ADAM12: variants seen among roughly 807,000 people sequenced by gnomAD.
ADAM12 encodes the protein ADAM metallopeptidase domain 12, also known as disintegrin and metalloproteinase domain-containing protein 12.
In ADAM12, 70 loss-of-function variants were observed where a neutral mutation model predicts 106.4. The ratio of observed to expected loss-of-function variants is 0.66; its 90% CI spans 0.54 to 0.80. ADAM12 has a LOEUF of 0.80. Among genes scored for constraint, ADAM12 ranks in the 30% least tolerant of loss-of-function variants. The probability of loss-of-function intolerance (pLI) is 0.00; values close to 1 mark genes in which losing one functional copy is unlikely to be tolerated. For synonymous variants in ADAM12, 420 were observed against 433.5 expected (o/e 0.97, Z 0.39); for missense variants, 1,010 against 1,171.9 (o/e 0.86, Z 2.02).
intron 3 of ADAM12, among the ~76,000 whole-genome samples, chr10:126,234,942 T>C: frequency 6.6e-6 from 1 of 152,222 alleles, no homozygotes; most frequent in African/African-American, 2.4e-5. Flanking sequence ...GGCATCACAC[T>C]GCAGGCAGAA....
chr10:126,095,396 T>A (rs1294706434), intron 10 of ADAM12, among the ~76,000 whole-genome samples: 9 of 151,470 alleles, frequency 5.9e-5, no homozygotes, highest in Admixed American at 5.9e-4. Flanking sequence ...TAGCCGGGCG[T>A]GGTGGCGGGC....
chr10:126,120,432 G>A (rs1056903654), intron 5 of ADAM12, among the ~76,000 whole-genome samples: 3 of 152,154 alleles, frequency 2.0e-5, no homozygotes, highest in South Asian at 2.1e-4. Flanking sequence ...TCATTGGGCT[G>A]GAAGAACATA....
chr10:126,323,313 T>C (rs184556972), intron 2 of ADAM12, among the ~76,000 whole-genome samples: 93 of 152,346 alleles, frequency 6.1e-4, no homozygotes, highest in African/African-American at 2.1e-3. Context: ...AATATAGGTC[T>C]GGCTATGTCA....
chr10:126,104,357 G>A (rs1955723864), intron 8 of ADAM12, among the ~76,000 whole-genome samples: 1 of 151,518 alleles, frequency 6.6e-6, no homozygotes, highest in African/African-American at 2.4e-5. Flanking sequence ...AGCTGAGGCA[G>A]GAGAATCGCT....
intron 12 of ADAM12, among the ~76,000 whole-genome samples, chr10:126,070,958 A>G (rs1476106191): frequency 1.3e-5 from 2 of 152,156 alleles, no homozygotes; most frequent in Non-Finnish European, 2.9e-5. Flanking sequence ...CCCTGCCTTC[A>G]CTTATTGCTT....
At chr10:126,093,705 A>G (rs766566038) in intron 11 of ADAM12, among the ~76,000 whole-genome samples, 1 of 152,268 alleles carries the variant, frequency 6.6e-6, no homozygotes, top group Non-Finnish European at 1.5e-5. Context: ...GGACAGGAAG[A>G]TAATTAGCGA....
At chr10:126,267,830 G>C (rs969285199) in intron 3 of ADAM12, among the ~76,000 whole-genome samples, 18 of 151,846 alleles carry the variant, frequency 1.2e-4, no homozygotes, top group African/African-American at 4.4e-4. Context: ...GGGGCGGTGG[G>C]GGTGGATTTA....
intron 8 of ADAM12, among the ~76,000 whole-genome samples, chr10:126,105,816 C>T (rs958488797): frequency 3.9e-5 from 6 of 152,214 alleles, no homozygotes; most frequent in Non-Finnish European, 7.3e-5. Flanking sequence ...TTCTCCTGCA[C>T]CTGGACTATG....
intron 1 of ADAM12, among the ~76,000 whole-genome samples, chr10:126,346,638 T>C (rs1855151880): frequency 1.3e-5 from 2 of 152,306 alleles, no homozygotes; most frequent in South Asian, 4.2e-4. Flanking sequence ...AGTCTCCCAT[T>C]ATTATTGTGT....
chr10:126,304,666 A>G (rs1960767108), intron 2 of ADAM12, among the ~76,000 whole-genome samples: 1 of 152,132 alleles, frequency 6.6e-6, no homozygotes, highest in African/African-American at 2.4e-5. Flanking sequence ...CCATTAAGAA[A>G]ATATAAAGTT....
intron 18 of ADAM12, among the ~76,000 whole-genome samples, chr10:126,040,555 C>G (rs1471948036): frequency 6.6e-6 from 1 of 152,198 alleles, no homozygotes; most frequent in Non-Finnish European, 1.5e-5. Context: ...CTAAGCAAGA[C>G]AGCCAACAGA....
chr10:126,207,076 T>C (rs1184142164), intron 3 of ADAM12, among the ~76,000 whole-genome samples: 1 of 152,214 alleles, frequency 6.6e-6, no homozygotes, highest in Non-Finnish European at 1.5e-5. Context: ...CTGAGTCTAT[T>C]AAACCTCTTT....
chr10:126,159,116 T>C (rs926250810), intron 3 of ADAM12, among the ~76,000 whole-genome samples: 3 of 152,076 alleles, frequency 2.0e-5, no homozygotes, highest in African/African-American at 4.8e-5. Flanking sequence ...GAGACCATTC[T>C]GGCTAATACG....
rs530859939 is a variant in ADAM12 at position 126,344,579 on chromosome 10, T to TG, written c.89-14071dup. The stretch of plus-strand genomic sequence containing the variant: ...GTGAAGAAAGTCATTGGTAGTTTGA[T>TG]GGGGGTGGCATTGAATCTATAAATT... On this transcript the variant is annotated intron_variant, in intron 1 of 22. Transcript: ENST00000448723. Among the ~76,000 whole-genome samples, 259 of 152,326 alleles carry TG rather than the reference T, an allele frequency of 1.7e-3. 7 individuals carry two copies. The highest frequency in any genetic ancestry group is 9.8e-3 in the South Asian group (47 of 4,820).
chr10:126,056,500 A>G (rs1954634481), intron 14 of ADAM12, among the ~76,000 whole-genome samples: 1 of 152,212 alleles, frequency 6.6e-6, no homozygotes, highest in Admixed American at 6.5e-5. Flanking sequence ...CCCAATAGAT[A>G]CGATCTTTTG....
At chr10:126,166,811 C>T (rs1261984712) in intron 3 of ADAM12, among the ~76,000 whole-genome samples, 2 of 152,080 alleles carry the variant, frequency 1.3e-5, no homozygotes, top group African/African-American at 4.8e-5. Flanking sequence ...GTCATGATTG[C>T]CTTCCTAGTA....
At chr10:126,217,904 G>A (rs144717647) in intron 3 of ADAM12, among the ~76,000 whole-genome samples, 1 of 151,522 alleles carries the variant, frequency 6.6e-6, no homozygotes, top group Admixed American at 6.6e-5. Flanking sequence ...GAACCCGGGA[G>A]GTAGAGGTTG....
intron 3 of ADAM12, among the ~76,000 whole-genome samples, chr10:126,264,408 G>A (rs1237313602): frequency 1.3e-5 from 2 of 152,182 alleles, no homozygotes; most frequent in Non-Finnish European, 2.9e-5. Context: ...ACCCTCCTGT[G>A]GGGGCTTGGT....
rs566151174 is a variant in ADAM12, at chr10:126,278,387, A to C, written c.260+528T>G. Among the ~76,000 whole-genome samples the C allele has an allele frequency of 6.6e-5, 10 of 152,334 alleles. No homozygotes were observed. The South Asian group carries it at 2.1e-3, about 32-fold the overall frequency. ...ATAATAGTATCCAAGCGGCCCAGAA[A>C]AAGCCATAATGCCATTTTCTGGAAA... On this transcript the variant is annotated intron_variant, in intron 3 of 22. Coordinates refer to ENST00000448723, the MANE Select transcript of ADAM12 (RefSeq NM_001288973.2).
Sources: allele counts gnomAD v4.1 joint callset (sites outside exome capture counted in the v4.1 genomes callset), GRCh38; gene constraint gnomAD v4.1.1; transcripts MANE v1.5; gene names NCBI Gene and HGNC (gene_info 2026-07-23, HGNC 2026-07-21).